Variants in NBAS observed in about 807,000 individuals in gnomAD.
The protein encoded by NBAS is NAG/BC035112 fusion.
A neutral mutation model predicts 302.5 loss-of-function variants in NBAS; 219 were observed. That is an observed-to-expected ratio of 0.72 (90% CI 0.65 to 0.81). NBAS has a LOEUF of 0.81. Among genes scored for constraint, NBAS ranks in the 30% least tolerant of loss-of-function variants. The pLI, the probability that NBAS is intolerant of heterozygous loss-of-function variation, is 0.00. For synonymous variants in NBAS, 1,118 were observed against 1,021.6 expected, an observed-to-expected ratio of 1.09 and a Z score of -1.80; for missense variants, 2,932 against 2,841.6, an observed-to-expected ratio of 1.03 and a Z score of -0.72.
chr2:14,800,026 G>A, the NBAS span, among the ~76,000 whole-genome samples: 2,379 of 152,114 alleles, frequency 0.016, 26 homozygotes, highest in Non-Finnish European at 0.024. Context: ...CCTTTTAAAT[G>A]GAATGCATAT....
At chr2:15,088,128 C>T in the NBAS span, among the ~76,000 whole-genome samples, 135 of 152,160 alleles carry the variant, frequency 8.9e-4, no homozygotes, top group Non-Finnish European at 1.6e-3. Flanking sequence ...GTGGGCAGGT[C>T]GAGCAGGAAT....
chr2:15,401,734 T>C (rs1676160544), intron 26 of NBAS, among the ~76,000 whole-genome samples: 1 of 152,136 alleles, frequency 6.6e-6, no homozygotes, highest in African/African-American at 2.4e-5. Flanking sequence ...CAGTTAAAAA[T>C]TAGGTACATT....
chr2:14,864,694 G>A, the NBAS span, among the ~76,000 whole-genome samples: 2,286 of 152,250 alleles, frequency 0.015, 24 homozygotes, highest in Non-Finnish European at 0.023. Flanking sequence ...TACTATTCTG[G>A]CTGCCCAAGC....
chr2:15,031,040 G>A, the NBAS span, among the ~76,000 whole-genome samples: 6 of 152,296 alleles, frequency 3.9e-5, no homozygotes, highest in Middle Eastern at 3.4e-3. Context: ...GCTGCTATGC[G>A]CCACTCCATC....
At chr2:14,910,680 G>T in the NBAS span, among the ~76,000 whole-genome samples, 4 of 152,218 alleles carry the variant, frequency 2.6e-5, no homozygotes, top group African/African-American at 9.6e-5. Flanking sequence ...CGCATGATTT[G>T]GGTGTCAAAA....
the NBAS span, among the ~76,000 whole-genome samples, chr2:15,009,828 A>G: frequency 6.6e-6 from 1 of 151,836 alleles, no homozygotes; most frequent in African/African-American, 2.4e-5. Flanking sequence ...TGCAATGTGG[A>G]CCTAATATCT....
At chr2:15,082,731 A>T in the NBAS span, among the ~76,000 whole-genome samples, 2 of 152,184 alleles carry the variant, frequency 1.3e-5, no homozygotes, top group Non-Finnish European at 2.9e-5. Context: ...AGCTACAAAG[A>T]TCATAAGAAC....
At chr2:15,220,667 T>C (rs1234823855) in intron 47 of NBAS, among the ~76,000 whole-genome samples, 2 of 152,204 alleles carry the variant, frequency 1.3e-5, no homozygotes, top group Non-Finnish European at 2.9e-5. Context: ...TATTTATCCA[T>C]AACTCTTAAG....
chr2:15,269,385 A>G (rs1479278302), intron 44 of NBAS, among the ~76,000 whole-genome samples: 1 of 152,194 alleles, frequency 6.6e-6, no homozygotes, highest in Non-Finnish European at 1.5e-5. Context: ...AGGGTTGCCT[A>G]TTTGAATTGT....
At chr2:14,801,527 A>G in the NBAS span, among the ~76,000 whole-genome samples, 30 of 152,002 alleles carry the variant, frequency 2.0e-4, 1 homozygote, top group African/African-American at 6.3e-4. Context: ...CCATTTTTCA[A>G]TTTCATATGT....
At chr2:14,894,885 C>T in the NBAS span, among the ~76,000 whole-genome samples, 104 of 152,158 alleles carry the variant, frequency 6.8e-4, 1 homozygote, top group South Asian at 0.021. Context: ...GGTGAAACTC[C>T]GTCTCTACCA....
intron 47 of NBAS, among the ~76,000 whole-genome samples, chr2:15,220,040 C>G (rs1186509119): frequency 2.1e-5 from 3 of 145,570 alleles, no homozygotes; most frequent in Non-Finnish European, 4.5e-5. Context: ...GCTGATCCCC[C>G]CACCTCCCTC....
At chr2:14,867,710 A>C in the NBAS span, among the ~76,000 whole-genome samples, 1 of 152,206 alleles carries the variant, frequency 6.6e-6, no homozygotes, top group South Asian at 2.1e-4. Context: ...TGTCTTCTGA[A>C]AGGTGGAATT....
the NBAS span, among the ~76,000 whole-genome samples, chr2:14,925,665 A>G: frequency 6.8e-4 from 104 of 152,290 alleles, no homozygotes; most frequent in Non-Finnish European, 1.3e-3. Context: ...AGTGTGACAT[A>G]TTCTGAGTCC....
At chr2:15,483,764 C>T (rs11901455) in intron 12 of NBAS, among the ~76,000 whole-genome samples, 76,942 of 152,058 alleles carry the variant, frequency 0.51, 22,987 homozygotes, top group Non-Finnish European at 0.67. Flanking sequence ...ACTAATAAAG[C>T]GGCAAATTGC....
chr2:15,383,533 C>T (rs926033577), intron 28 of NBAS, among the ~76,000 whole-genome samples: 2 of 152,108 alleles, frequency 1.3e-5, no homozygotes, highest in South Asian at 4.1e-4. Flanking sequence ...TGCATCACTG[C>T]TAGAGATGGT....
At chr2:15,378,559 A>T (rs1572748280) in intron 30 of NBAS, among the ~76,000 whole-genome samples, 1 of 152,226 alleles carries the variant, frequency 6.6e-6, no homozygotes, top group South Asian at 2.1e-4. Context: ...CAAACATCAT[A>T]GCTTAGTTTA....
chr2:14,879,606 C>T, the NBAS span, among the ~76,000 whole-genome samples: 1 of 152,136 alleles, frequency 6.6e-6, no homozygotes, highest in Non-Finnish European at 1.5e-5. Context: ...GGGAAGACTT[C>T]ATTTCTCAGT....
At position 15,362,008 on chromosome 2, in the gene NBAS, T is replaced by C. The variant is rs141773532; in HGVS notation, c.3817+4572A>G. Among the ~76,000 whole-genome samples the C allele has an allele frequency of 4.7e-3, 705 of 149,918 alleles. 7 individuals carry two copies. Among genetic ancestry groups the C allele is most frequent in the African/African-American group, 0.017 (677 of 40,862 alleles). ...AAAAAAAAAAAATTCCAGGAAAAAA[T>C]AGAAAATATGTTTAGGGCCCTTGAT... is the stretch of plus-strand genomic sequence containing the variant. On this transcript the variant is annotated intron_variant, in intron 32 of 51. Coordinates refer to ENST00000281513, the MANE Select transcript of NBAS (RefSeq NM_015909.4).
Sources: allele counts gnomAD v4.1 joint callset (sites outside exome capture counted in the v4.1 genomes callset), GRCh38; gene constraint gnomAD v4.1.1; transcripts MANE v1.5; gene names NCBI Gene and HGNC (gene_info 2026-07-23, HGNC 2026-07-21).